The following MANF variants were observed in gnomAD, a reference collection of about 807,000 sequenced individuals.
The protein encoded by MANF is mesencephalic astrocyte derived neurotrophic factor, also known as mesencephalic astrocyte-derived neurotrophic factor.
A neutral mutation model predicts 19.1 loss-of-function variants in MANF; 9 were observed. The ratio of observed to expected loss-of-function variants is 0.47; its 90% CI spans 0.28 to 0.82. The LOEUF (loss-of-function observed/expected upper bound fraction) is 0.82. MANF is among the 40% of genes least tolerant of loss of function. MANF has a pLI of 0.10. For synonymous variants in MANF, 89 were observed against 88.0 expected (o/e 1.01, Z -0.06); for missense variants, 225 against 226.7 (o/e 0.99, Z 0.05).
Position 51,385,317 on chromosome 3 carries a change from GGAGGAGGAGGAGGAGGAT to G in MANF, c.-17_1del, listed in dbSNP as rs1559452372. 13 of 1,200,868 alleles carry G rather than the reference GGAGGAGGAGGAGGAGGAT, an allele frequency of 1.1e-5. No individual in the cohort carries two copies. In the South Asian group the frequency reaches 1.6e-4, roughly 15 times the overall value. 74.4% of individuals were successfully genotyped at this position (1,200,868 alleles called of 1,614,324 possible). A position where few individuals can be genotyped will look rare whatever the true frequency, so the allele number is the denominator to read the frequency against. ...GTCGGTCGGCGGCGGCAGCGGAGGA[GGAGGAGGAGGAGGAGGAT>G]GAGGAGGATGAGGAGGATGTGGGCC... On this transcript the variant is annotated 5_prime_UTR_variant, in exon 1 of 4. It removes an upstream start codon present in the reference 5' UTR. Transcript: ENST00000528157.
chr3:51,385,393 C>A lies in MANF; in HGVS notation c.51C>A (p.Ser17Arg). Residue 17 changes from serine to arginine, a missense_variant, in exon 1 of 4, where the codon AGC becomes AGA. Physicochemically the swap from Ser to Arg is moderately radical, Grantham distance 110 (BLOSUM62 -1). Transcript: ENST00000528157. ...GGCTGGCGGTGGCGCTGGCTCTGAG[C>A]GTGCTGCCGGGCAGCCGGGCGCTGC... is the stretch of plus-strand genomic sequence containing the variant. ...TQGLAVALALSVLPGSRALRP... is the reference protein window; with the variant it reads ...TQGLAVALALRVLPGSRALRP... 1.6e-6 allele frequency: 2 copies of A among 1,238,084 alleles called. No homozygotes were observed. Among genetic ancestry groups the A allele is most frequent in the Non-Finnish European group, 2.0e-6 (2 of 989,134 alleles). 76.7% of individuals were successfully genotyped at this position (1,238,084 alleles called of 1,614,324 possible). A position where few individuals can be genotyped will look rare whatever the true frequency, so the allele number is the denominator to read the frequency against.
Position 51,385,330 on chromosome 3 carries a change from G to T in MANF, c.-13G>T. 3 of 1,097,772 alleles carry T rather than the reference G, an allele frequency of 2.7e-6. No homozygotes were observed. The highest frequency in any genetic ancestry group is 1.2e-6 in the Non-Finnish European group (1 of 867,326). 68.0% of individuals were successfully genotyped at this position (1,097,772 alleles called of 1,614,324 possible). On this transcript the variant is annotated 5_prime_UTR_variant, in exon 1 of 4. Coordinates refer to ENST00000528157, the MANE Select transcript of MANF (RefSeq NM_006010.6). ...GGCAGCGGAGGAGGAGGAGGAGGAG[G>T]AGGATGAGGAGGATGAGGAGGATGT... is the stretch of plus-strand genomic sequence containing the variant.
rs1487382858 is a variant in MANF, at chr3:51,385,448, G to T, written c.94+12G>T. The T allele has an allele frequency of 2.4e-6, 3 of 1,226,386 alleles. No individual in the cohort carries two copies. Among genetic ancestry groups the T allele is most frequent in the Non-Finnish European group, 3.1e-6 (3 of 983,152 alleles). The allele number at this position is 1,226,386 out of a possible 1,614,324, so 76.0% of individuals were successfully genotyped here. A position where few individuals can be genotyped will look rare whatever the true frequency, so the allele number is the denominator to read the frequency against. On this transcript the variant is annotated intron_variant, in intron 1 of 3. Transcript: ENST00000528157. ...GGGCGACTGCGAAGGTGCGGGATAGGGGGCCGGGGGCCGCGCTCCGTGACC... is the reference window on the plus strand; with the variant it reads ...GGGCGACTGCGAAGGTGCGGGATAGTGGGCCGGGGGCCGCGCTCCGTGACC...
At chr3:51,388,823 T>G in intron 3 of MANF, 82 bp from the exon 4 acceptor site, 1 of 1,104,108 alleles carries the variant, frequency 9.1e-7, no homozygotes. Flanking sequence ...GTTTGGCCGT[T>G]CAGGGAGTGA....
At chr3:51,387,662 T>C in intron 2 of MANF, 75 bp from the exon 3 acceptor site, 1 of 1,416,324 alleles carries the variant, frequency 7.1e-7, no homozygotes, top group Non-Finnish European at 9.8e-7. Flanking sequence ...AGAGATGATG[T>C]TTCAAGGTGT....
intron 3 of MANF, 23 bp from the exon 4 acceptor site, chr3:51,388,882 A>C: frequency 6.5e-7 from 1 of 1,530,992 alleles, no homozygotes; most frequent in Non-Finnish European, 8.8e-7. Context: ...CCAGTCAGTG[A>C]CTCTCCCTGC....
At chr3:51,388,285 T>G (rs2088982642) in intron 3 of MANF, among the ~76,000 whole-genome samples, 1 of 152,228 alleles carries the variant, frequency 6.6e-6, no homozygotes, top group Admixed American at 6.5e-5. Flanking sequence ...CTGCAAGCTC[T>G]GAAGCCCCAG....
At chr3:51,385,698 C>G in intron 1 of MANF, 1 of 349,606 alleles carries the variant, frequency 2.9e-6, no homozygotes, top group Non-Finnish European at 5.1e-6. Context: ...CTCCATCACT[C>G]CTGAGTTATT....
chr3:51,385,961 G>GT, intron 1 of MANF: 1 of 506,462 alleles, frequency 2.0e-6, no homozygotes, highest in African/African-American at 1.9e-5. Flanking sequence ...AAAGGAGCAG[G>GT]GAGAAGTCGT....
chr3:51,387,427 A>ACTC (rs1393099140), intron 2 of MANF, among the ~76,000 whole-genome samples: 7 of 151,674 alleles, frequency 4.6e-5, no homozygotes, highest in Admixed American at 2.6e-4. Flanking sequence ...GCGCCACTGC[A>ACTC]CTCCAGCCTG....
chr3:51,388,473 G>A (rs574120075), intron 3 of MANF, among the ~76,000 whole-genome samples: 65 of 152,268 alleles, frequency 4.3e-4, no homozygotes, highest in African/African-American at 1.4e-3. Flanking sequence ...ACCTACTTGC[G>A]TCTTCCTGGT....
At chr3:51,387,293 A>T (rs1003615233) in intron 2 of MANF, among the ~76,000 whole-genome samples, 1 of 152,038 alleles carries the variant, frequency 6.6e-6, no homozygotes, top group Non-Finnish European at 1.5e-5. Context: ...TATCTCTACT[A>T]AAAAATACAA....
rs1272123889 is a variant in MANF, at chr3:51,387,859, G to C, written c.345G>C (p.Gln115His). ...AGAAGCTTAAGAAGAAGGACAGCCA[G>C]ATATGTGAGCTTAAGTATGGTGAGT... ...ICEKLKKKDS[Q>H]ICELKYDKQI... The change falls in exon 3 of 4, where the codon CAG becomes CAC. Residue 115 changes from glutamine (Q) to histidine (H), a missense_variant. By Grantham distance (24) the Gln-to-His change is conservative. Coordinates refer to ENST00000528157, the MANE Select transcript of MANF (RefSeq NM_006010.6). 1.2e-6 allele frequency: 2 copies of C among 1,613,692 alleles called. No homozygotes were observed. The highest frequency in any genetic ancestry group is 8.5e-7 in the Non-Finnish European group (1 of 1,179,772).
In MANF at chr3:51,386,258, G is replaced by A. The variant is rs1452632307; in HGVS notation, c.145G>A (p.Val49Ile). The change falls in exon 2 of 4, where the codon GTC (valine) becomes ATC (isoleucine). Residue 49 changes from valine to isoleucine, a missense_variant. Transcript: ENST00000528157. ...RFYQDLKDRD[V>I]TFSPATIENE... ...TTACCAGGACCTCAAAGACAGAGATGTCACATTCTCACCAGCCACTATTGA... is the reference window on the plus strand; with the variant it reads ...TTACCAGGACCTCAAAGACAGAGATATCACATTCTCACCAGCCACTATTGA... 2.5e-6 allele frequency: 4 copies of A among 1,613,680 alleles called. No homozygotes were observed. The highest frequency in any genetic ancestry group is 3.4e-6 in the Non-Finnish European group (4 of 1,179,770).
In MANF at chr3:51,385,313, A is replaced by C. The variant is rs1317136607; in HGVS notation, c.-30A>C. 2 of 868,100 alleles carry C rather than the reference A, an allele frequency of 2.3e-6. No individual in the cohort carries two copies. The highest frequency in any genetic ancestry group is 2.4e-5 in the African/African-American group (1 of 41,046). 53.8% of individuals were successfully genotyped at this position (868,100 alleles called of 1,614,324 possible). A position where few individuals can be genotyped will look rare whatever the true frequency, so the allele number is the denominator to read the frequency against. The stretch of plus-strand genomic sequence containing the variant: ...TTCAGTCGGTCGGCGGCGGCAGCGG[A>C]GGAGGAGGAGGAGGAGGAGGATGAG... On this transcript the variant is annotated 5_prime_UTR_variant, in exon 1 of 4. Coordinates refer to ENST00000528157, the MANE Select transcript of MANF (RefSeq NM_006010.6).
intron 3 of MANF, among the ~76,000 whole-genome samples, chr3:51,388,325 A>G (rs1189745311): frequency 6.6e-6 from 1 of 152,226 alleles, no homozygotes; most frequent in Non-Finnish European, 1.5e-5. Flanking sequence ...AAGAAACACT[A>G]TGTCCAAGCA....
In MANF at chr3:51,389,045, C is replaced by T. The variant is rs1553621185; in HGVS notation, c.505C>T (p.Pro169Ser). The T allele has an allele frequency of 1.9e-6, 3 of 1,612,776 alleles. No homozygotes were observed. The highest frequency in any genetic ancestry group is 2.5e-6 in the Non-Finnish European group (3 of 1,179,392). The change falls in exon 4 of 4, where the codon CCT becomes TCT. Residue 169 changes from proline to serine, a missense_variant. Coordinates refer to ENST00000528157, the MANE Select transcript of MANF (RefSeq NM_006010.6). ...DYIRKINELMPKYAPKAASAR... is the reference protein window; with the variant it reads ...DYIRKINELMSKYAPKAASAR... ...CATCCGGAAGATAAATGAACTGATG[C>T]CTAAATATGCCCCCAAGGCAGCCAG...
chr3:51,385,362 C>G lies in MANF; in HGVS notation c.20C>G (p.Thr7Arg). The G allele has an allele frequency of 8.1e-7, 1 of 1,239,568 alleles. No individual in the cohort carries two copies. Among genetic ancestry groups the G allele is most frequent in the Non-Finnish European group, 1.0e-6 (1 of 989,638 alleles). The allele number at this position is 1,239,568 out of a possible 1,614,324, so 76.8% of individuals were successfully genotyped here. A position where few individuals can be genotyped will look rare whatever the true frequency, so the allele number is the denominator to read the frequency against. The change falls in exon 1 of 4, where the codon ACG (threonine) becomes AGG (arginine). Residue 7 changes from threonine to arginine, a missense_variant. Coordinates refer to ENST00000528157, the MANE Select transcript of MANF (RefSeq NM_006010.6). ...AGGAGGATGAGGAGGATGTGGGCCACGCAGGGGCTGGCGGTGGCGCTGGCT... is the reference window on the plus strand; with the variant it reads ...AGGAGGATGAGGAGGATGTGGGCCAGGCAGGGGCTGGCGGTGGCGCTGGCT... MRRMWA[T>R]QGLAVALALS... is the part of the protein sequence containing the mutation.
chr3:51,387,513 T>G (rs1317428608), intron 2 of MANF, among the ~76,000 whole-genome samples: 1 of 150,370 alleles, frequency 6.7e-6, no homozygotes, highest in Non-Finnish European at 1.5e-5. Context: ...CCCACACCGG[T>G]AGACCCAGCT....
Sources: allele counts gnomAD v4.1 joint callset (sites outside exome capture counted in the v4.1 genomes callset), GRCh38; gene constraint gnomAD v4.1.1; transcripts MANE v1.5; gene names NCBI Gene and HGNC (gene_info 2026-07-23, HGNC 2026-07-21).